The following ARID1B variants were observed in gnomAD, a reference collection of about 807,000 sequenced individuals.
ARID1B encodes AT-rich interactive domain-containing protein 1B.
A neutral mutation model predicts 212.3 loss-of-function variants in ARID1B; 30 were observed. That is an observed-to-expected ratio of 0.14 (90% confidence interval 0.11 to 0.19). The LOEUF is 0.19. Among genes scored for constraint, ARID1B ranks in the 10% least tolerant of loss-of-function variants. ARID1B has a pLI of 1.00. For synonymous variants in ARID1B, 1,402 were observed against 1,301.7 expected (o/e 1.08, Z -1.66); for missense variants, 2,891 against 3,204.0 (o/e 0.90, Z 2.36).
chr6:156,998,276 A>G (rs1778714080), intron 4 of ARID1B, among the ~76,000 whole-genome samples: 2 of 148,522 alleles, frequency 1.3e-5, no homozygotes, highest in Non-Finnish European at 1.5e-5. Context: ...GCTGGAGTGC[A>G]GTGGCGCGAT....
At chr6:157,070,545 C>T (rs796759766) in intron 4 of ARID1B, among the ~76,000 whole-genome samples, 9 of 152,168 alleles carry the variant, frequency 5.9e-5, no homozygotes, top group African/African-American at 1.9e-4. Flanking sequence ...AGCTCAGCAT[C>T]GTTTCCTGCC....
chr6:157,085,268 T>C (rs907116933), intron 5 of ARID1B, among the ~76,000 whole-genome samples: 3 of 152,238 alleles, frequency 2.0e-5, no homozygotes, highest in Non-Finnish European at 4.4e-5. Flanking sequence ...GGATTGGCCT[T>C]ATTTTTTTGT....
chr6:157,196,359 C>T (rs549047636), intron 16 of ARID1B, 44 bp downstream of exon 16: 6 of 1,570,200 alleles, frequency 3.8e-6, no homozygotes, highest in South Asian at 2.4e-5. Flanking sequence ...TACTAGAAAC[C>T]GTGCTTTCCT....
chr6:156,883,797 T>G (rs1279728685), intron 2 of ARID1B, among the ~76,000 whole-genome samples: 1 of 152,176 alleles, frequency 6.6e-6, no homozygotes, highest in Non-Finnish European at 1.5e-5. Context: ...TCTGCTGGTG[T>G]TTGCCTTCCT....
intron 12 of ARID1B, among the ~76,000 whole-genome samples, chr6:157,183,651 C>T (rs1255054433): frequency 6.6e-6 from 1 of 152,220 alleles, no homozygotes; most frequent in Non-Finnish European, 1.5e-5. Context: ...AGTAAGAGCA[C>T]CGCACAGGAA....
chr6:157,196,857 A>G (rs1055677070), intron 16 of ARID1B, among the ~76,000 whole-genome samples: 1 of 152,208 alleles, frequency 6.6e-6, no homozygotes, highest in Admixed American at 6.5e-5. Context: ...TAGAAAACCC[A>G]CAGCACAGGC....
intron 4 of ARID1B, among the ~76,000 whole-genome samples, chr6:157,042,231 G>A (rs992122174): frequency 2.0e-5 from 3 of 152,208 alleles, no homozygotes; most frequent in Admixed American, 6.5e-5. Context: ...GTTCAATACA[G>A]TGTATTTCCT....
At chr6:156,894,294 T>TGGGATGGGGGCCGGGGGGGGG (rs1390573780) in intron 2 of ARID1B, among the ~76,000 whole-genome samples, 14 of 12,860 alleles carry the variant, frequency 1.1e-3, no homozygotes, top group South Asian at 5.1e-3. Flanking sequence ...GCCGGGGGGT[T>TGGGATGGGGGCCGGGGGGGGG]GGGATGGGGG....
At chr6:156,820,213 G>T (rs902376522) in intron 1 of ARID1B, among the ~76,000 whole-genome samples, 1 of 152,152 alleles carries the variant, frequency 6.6e-6, no homozygotes, top group Non-Finnish European at 1.5e-5. Flanking sequence ...GGGTGAACTT[G>T]TGCAAAGTGA....
chr6:156,930,994 T>A (rs778334074), intron 3 of ARID1B, among the ~76,000 whole-genome samples: 1 of 151,954 alleles, frequency 6.6e-6, no homozygotes, highest in Non-Finnish European at 1.5e-5. Context: ...ATAGAGACCA[T>A]TCTGGCCAAC....
At chr6:157,059,188 A>G (rs2128400668) in intron 4 of ARID1B, among the ~76,000 whole-genome samples, 1 of 152,310 alleles carries the variant, frequency 6.6e-6, no homozygotes, top group East Asian at 1.9e-4. Context: ...AAATGAGAAA[A>G]TGTGAAAGTG....
At chr6:156,959,987 A>G (rs867882358) in intron 4 of ARID1B, among the ~76,000 whole-genome samples, 1 of 146,416 alleles carries the variant, frequency 6.8e-6, no homozygotes, top group Non-Finnish European at 1.5e-5. Context: ...CTGGAGTGCA[A>G]TGGCGCGATC....
chr6:156,874,632 G>A (rs1332363694), intron 2 of ARID1B, among the ~76,000 whole-genome samples: 2 of 152,118 alleles, frequency 1.3e-5, no homozygotes, highest in African/African-American at 4.8e-5. Context: ...CTCCAGGCCC[G>A]TCCCTTTCTG....
intron 4 of ARID1B, chr6:156,938,317 T>A (rs1792419463): frequency 6.6e-6 from 1 of 152,212 alleles, no homozygotes; most frequent in Non-Finnish European, 1.5e-5. Flanking sequence ...GATACTGTAG[T>A]CCTCTAACTT....
intron 2 of ARID1B, among the ~76,000 whole-genome samples, chr6:156,859,293 A>G (rs1430855530): frequency 6.6e-6 from 1 of 152,102 alleles, no homozygotes; most frequent in African/African-American, 2.4e-5. Flanking sequence ...ACCGTTGTAT[A>G]TGTGGTCCAT....
chr6:157,106,169 C>T (rs149565576), intron 5 of ARID1B, among the ~76,000 whole-genome samples: 2 of 152,156 alleles, frequency 1.3e-5, no homozygotes, highest in African/African-American at 4.8e-5. Context: ...ATGGAGCACT[C>T]ACATAAAGGG....
intron 4 of ARID1B, among the ~76,000 whole-genome samples, chr6:157,025,512 CT>C (rs1454395180): frequency 6.6e-6 from 1 of 152,208 alleles, no homozygotes; most frequent in Non-Finnish European, 1.5e-5. Flanking sequence ...GATCTGTTTT[CT>C]TTCTCTGTAG....
intron 2 of ARID1B, among the ~76,000 whole-genome samples, chr6:156,842,179 C>G (rs1345209447): frequency 9.2e-5 from 14 of 152,146 alleles, no homozygotes; most frequent in African/African-American, 3.4e-4. Flanking sequence ...ATGTTTACTG[C>G]AGTAATAGTG....
chr6:157,116,377 C>T (rs1787321470), intron 6 of ARID1B, among the ~76,000 whole-genome samples: 1 of 151,296 alleles, frequency 6.6e-6, no homozygotes, highest in South Asian at 2.1e-4. Context: ...TTTAATTTCA[C>T]AGTGGTGTCT....
Sources: gnomAD v4.1 joint callset for allele counts (sites outside exome capture counted in the v4.1 genomes callset) on GRCh38, gnomAD v4.1.1 for gene constraint, MANE v1.5 for transcripts, NCBI Gene and HGNC (gene_info 2026-07-23, HGNC 2026-07-21) for gene names.